The following SLK variants were observed in gnomAD, a reference collection of about 807,000 sequenced individuals.
The protein encoded by SLK is STE20 like kinase.
A neutral mutation model predicts 147.7 loss-of-function variants in SLK; 67 were observed. That is an observed-to-expected ratio of 0.45 (90% CI 0.37 to 0.56). SLK has a LOEUF of 0.56. SLK is among the 20% of genes least tolerant of loss of function. SLK has a pLI of 0.00. For synonymous variants in SLK, 441 were observed against 475.0 expected, an observed-to-expected ratio of 0.93 and a Z score of 0.93; for missense variants, 1,136 against 1,438.8, an observed-to-expected ratio of 0.79 and a Z score of 3.41.
In SLK at chr10:104,018,248, T is replaced by C. The variant is rs746710061; in HGVS notation, c.2966T>C (p.Ile989Thr). 2 of 1,597,770 alleles carry C rather than the reference T, an allele frequency of 1.3e-6. No individual in the cohort carries two copies. The highest frequency in any genetic ancestry group is 1.1e-5 in the South Asian group (1 of 87,222). ...IQQQKAELAN[I>T]ERECLNNKQQ... ...CAGCAGAAGGCAGAGTTAGCTAATATTGAGAGAGAGTGCCTGAATAACAAG... is the reference window on the plus strand; with the variant it reads ...CAGCAGAAGGCAGAGTTAGCTAATACTGAGAGAGAGTGCCTGAATAACAAG... Residue 989 changes from isoleucine (I) to threonine (T), a missense_variant, in exon 14 of 19, where the codon ATT becomes ACT. Physicochemically the swap from Ile to Thr is moderately conservative, Grantham distance 89. Transcript: ENST00000369755.
intron 1 of SLK, among the ~76,000 whole-genome samples, chr10:103,969,455 T>A (rs1843764699): frequency 6.6e-6 from 1 of 152,260 alleles, no homozygotes; most frequent in African/African-American, 2.4e-5. Flanking sequence ...TGTTTATGTT[T>A]CTATAATAAA....
chr10:104,025,125 T>G (rs1213963879), intron 18 of SLK, among the ~76,000 whole-genome samples: 1 of 152,238 alleles, frequency 6.6e-6, no homozygotes, highest in African/African-American at 2.4e-5. Context: ...AAACAGCTTA[T>G]ATTATAGTCT....
At chr10:103,972,271 A>G (rs1843802323) in intron 1 of SLK, among the ~76,000 whole-genome samples, 1 of 152,232 alleles carries the variant, frequency 6.6e-6, no homozygotes, top group Admixed American at 6.5e-5. Context: ...TTTCACTAAG[A>G]GTTAATCCAG....
chr10:103,974,850 T>TTTTTTTGTGA (rs1430798952), intron 1 of SLK: 1 of 127,448 alleles, frequency 7.8e-6, no homozygotes, highest in Non-Finnish European at 1.6e-5. Flanking sequence ...TTTTTTTTTT[T>TTTTTTTGTGA]AGTAGAGACA....
intron 1 of SLK, among the ~76,000 whole-genome samples, chr10:103,986,201 A>G (rs1201144806): frequency 6.6e-6 from 1 of 151,842 alleles, no homozygotes; most frequent in African/African-American, 2.4e-5. Context: ...TGTTTATTGT[A>G]TACTTTGTTT....
chr10:103,976,756 C>G (rs772466182), intron 1 of SLK, among the ~76,000 whole-genome samples: 1 of 152,224 alleles, frequency 6.6e-6, no homozygotes. Flanking sequence ...CAGTCTGTCT[C>G]TATTCCCACA....
intron 1 of SLK, among the ~76,000 whole-genome samples, chr10:103,985,868 A>T (rs947328927): frequency 5.9e-5 from 9 of 152,340 alleles, no homozygotes; most frequent in African/African-American, 2.2e-4. Context: ...ATTTTTTTAG[A>T]ATATGAAACC....
intron 9 of SLK, among the ~76,000 whole-genome samples, chr10:104,004,437 G>T (rs1404171461): frequency 6.6e-6 from 1 of 152,086 alleles, no homozygotes; most frequent in East Asian, 1.9e-4. Flanking sequence ...ATTAATTATT[G>T]AACTTTTAGT....
In SLK at chr10:104,006,001, A is replaced by T; in HGVS notation, c.2570A>T (p.Glu857Val). The T allele has an allele frequency of 6.2e-7, 1 of 1,612,954 alleles. No individual in the cohort carries two copies. The highest frequency in any genetic ancestry group is 2.2e-5 in the East Asian group (1 of 44,848). Residue 857 changes from glutamate to valine, a missense_variant, in exon 11 of 19, where the codon GAA becomes GTA. By Grantham distance (121) the Glu-to-Val change is moderately radical. Around this residue, in one of 6 missense-constraint regions of SLK, gnomAD observed 327 missense variants for 457.5 expected, o/e 0.71. Transcript: ENST00000369755. ...AATAGCAAACTACAGCAACAACGAG[A>T]ACAAATTTTCCGGCGCTTTGAGCAG... ...QLNSKLQQQR[E>V]QIFRRFEQEM...
At chr10:104,011,891 G>A (rs979790203) in intron 13 of SLK, among the ~76,000 whole-genome samples, 3 of 152,134 alleles carry the variant, frequency 2.0e-5, no homozygotes, top group African/African-American at 2.4e-5. Context: ...AGATAAATTA[G>A]TATTTGTAAC....
chr10:103,981,201 G>A (rs994985996), intron 1 of SLK, among the ~76,000 whole-genome samples: 1 of 151,760 alleles, frequency 6.6e-6, no homozygotes, highest in African/African-American at 2.4e-5. Flanking sequence ...TGTTGTTGTT[G>A]TTGTTGTTGT....
intron 7 of SLK, 117 bp from the exon 8 acceptor site, chr10:104,001,327 C>A: frequency 2.5e-6 from 2 of 799,278 alleles, no homozygotes; most frequent in Non-Finnish European, 3.9e-6. Flanking sequence ...AGTTTTCTGT[C>A]ATTTTCCTGC....
intron 1 of SLK, among the ~76,000 whole-genome samples, chr10:103,979,219 G>A (rs1174053946): frequency 6.6e-6 from 1 of 152,184 alleles, no homozygotes; most frequent in East Asian, 1.9e-4. Flanking sequence ...GTTTCGCCTT[G>A]TTGGCCAGGC....
chr10:103,997,947 T>A (rs924790540), intron 4 of SLK, among the ~76,000 whole-genome samples: 8 of 152,152 alleles, frequency 5.3e-5, no homozygotes, highest in Non-Finnish European at 1.2e-4. Context: ...GGTTTAGGAA[T>A]TGTAAAATAA....
intron 4 of SLK, among the ~76,000 whole-genome samples, chr10:103,994,609 A>G (rs1844142698): frequency 6.6e-6 from 1 of 152,194 alleles, no homozygotes; most frequent in South Asian, 2.1e-4. Context: ...ATGCATTACA[A>G]TGGTTTGTGA....
At chr10:103,980,951 A>C (rs1275025279) in intron 1 of SLK, among the ~76,000 whole-genome samples, 1 of 152,168 alleles carries the variant, frequency 6.6e-6, no homozygotes, top group Admixed American at 6.5e-5. Flanking sequence ...CGATTTGTGC[A>C]CAAGAGTTCT....
rs1473657875 is a variant in SLK, at chr10:103,967,361, C to T, written c.-385C>T. 1 of 150,356 alleles carries T rather than the reference C, an allele frequency of 6.7e-6. No homozygotes were observed. The highest frequency in any genetic ancestry group is 1.5e-5 in the Non-Finnish European group (1 of 67,406). The allele number at this position is 150,356 out of a possible 1,614,324, so 9.3% of individuals were successfully genotyped here. A position where few individuals can be genotyped will look rare whatever the true frequency, so the allele number is the denominator to read the frequency against. ...GGCCGCTTCTCTCTCCCAGAGTGGC[C>T]GCCGCCCCTGGAGACTCGCCGTGAC... On this transcript the variant is annotated 5_prime_UTR_variant, in exon 1 of 19. Coordinates refer to ENST00000369755, the MANE Select transcript of SLK (RefSeq NM_014720.4).
chr10:103,972,672 A>AG (rs1491181566), intron 1 of SLK, among the ~76,000 whole-genome samples: 1 of 5,088 alleles, frequency 2.0e-4, no homozygotes, highest in Non-Finnish European at 5.1e-4. Flanking sequence ...ACTCCGTCTC[A>AG]AAAAAAAAAA....
At chr10:104,018,138 G>C in intron 13 of SLK, 22 bp from the exon 14 acceptor site, 1 of 1,570,150 alleles carries the variant, frequency 6.4e-7, no homozygotes, top group Non-Finnish European at 8.7e-7. Flanking sequence ...CTTATTAACT[G>C]ACAATTAACT....
Sources: allele counts gnomAD v4.1 joint callset (sites outside exome capture counted in the v4.1 genomes callset), GRCh38; gene constraint gnomAD v4.1.1; regional missense constraint gnomAD v4.1.1; transcripts MANE v1.5; gene names NCBI Gene and HGNC (gene_info 2026-07-23, HGNC 2026-07-21).